The following SLC25A21 variants were observed in gnomAD, a reference collection of about 807,000 sequenced individuals.
The protein encoded by SLC25A21 is solute carrier family 25 member 21, also known as mitochondrial 2-oxodicarboxylate carrier.
SLC25A21 carries 47 observed loss-of-function variants against 43.8 expected under a neutral mutation model. The ratio of observed to expected loss-of-function variants is 1.07; its 90% CI spans 0.85 to 1.37. The LOEUF is 1.37. Ranked by LOEUF, SLC25A21 falls within the 40% of genes most tolerant of loss-of-function variation. The probability of loss-of-function intolerance (pLI) is 0.00; values close to 1 mark genes in which losing one functional copy is unlikely to be tolerated. For missense variants in SLC25A21, 352 were observed against 350.2 expected, an observed-to-expected ratio of 1.00 and a Z score of -0.04; for synonymous variants, 131 against 121.3, an observed-to-expected ratio of 1.08 and a Z score of -0.52.
chr14:37,109,716 GT>G, intron 1 of SLC25A21, among the ~76,000 whole-genome samples: 1 of 152,240 alleles, frequency 6.6e-6, no homozygotes, highest in Admixed American at 6.5e-5. Context: ...CCTGGACTTT[GT>G]CATGATTCCT....
Position 36,872,340 on chromosome 14 carries a change from C to G in SLC25A21, c.119+2616G>C, listed in dbSNP as rs559792530. Among the ~76,000 whole-genome samples the G allele has an allele frequency of 1.8e-4, 28 of 152,242 alleles. No individual in the cohort carries two copies. The South Asian group carries it at 5.8e-3, about 32-fold the overall frequency. On this transcript the variant is annotated intron_variant, in intron 2 of 9. Coordinates refer to ENST00000331299, the MANE Select transcript of SLC25A21 (RefSeq NM_030631.4). ...ACAACAGGTTCTAAAAATTTACTTT[C>G]AAACTCCTCTTTAAAGTGGATTTTT...
intron 1 of SLC25A21, among the ~76,000 whole-genome samples, chr14:37,064,595 T>C (rs1962021621): frequency 6.6e-6 from 1 of 152,114 alleles, no homozygotes; most frequent in Non-Finnish European, 1.5e-5. Context: ...AGTCCAAATC[T>C]GCTTCTGTTT....
At chr14:37,078,701 G>T (rs1486041904) in intron 1 of SLC25A21, among the ~76,000 whole-genome samples, 1 of 152,184 alleles carries the variant, frequency 6.6e-6, no homozygotes, top group Non-Finnish European at 1.5e-5. Flanking sequence ...GAAGGCAGTG[G>T]TATAAACGGG....
intron 1 of SLC25A21, among the ~76,000 whole-genome samples, chr14:37,068,869 T>C (rs954082774): frequency 5.3e-5 from 8 of 152,152 alleles, no homozygotes; most frequent in African/African-American, 1.9e-4. Flanking sequence ...AAAAAAGCAA[T>C]TTTTCTCTTT....
intron 1 of SLC25A21, among the ~76,000 whole-genome samples, chr14:37,029,619 T>C (rs1034779279): frequency 2.6e-5 from 4 of 152,054 alleles, no homozygotes; most frequent in African/African-American, 9.7e-5. Flanking sequence ...AGGGGATCCC[T>C]CCCTGGAAGT....
At chr14:36,895,334 G>A (rs1264350250) in intron 1 of SLC25A21, among the ~76,000 whole-genome samples, 1 of 152,200 alleles carries the variant, frequency 6.6e-6, no homozygotes, top group African/African-American at 2.4e-5. Flanking sequence ...GTGTAGAGGT[G>A]TTTATAGTAT....
intron 7 of SLC25A21, among the ~76,000 whole-genome samples, chr14:36,707,347 C>G (rs1226389018): frequency 6.6e-6 from 1 of 152,168 alleles, no homozygotes; most frequent in African/African-American, 2.4e-5. Flanking sequence ...GGGACAGCTT[C>G]TCATTATTGC....
intron 1 of SLC25A21, among the ~76,000 whole-genome samples, chr14:37,053,437 A>C (rs1278636197): frequency 6.6e-6 from 1 of 152,340 alleles, no homozygotes; most frequent in Non-Finnish European, 1.5e-5. Context: ...ACCAAATAAG[A>C]GTTAAAAGGG....
At chr14:37,110,506 C>A (rs56358023) in intron 1 of SLC25A21, among the ~76,000 whole-genome samples, 20 of 152,044 alleles carry the variant, frequency 1.3e-4, no homozygotes. Context: ...TTAGCAAGTA[C>A]AGACACAAGT....
At chr14:37,057,095 T>G (rs1286118422) in intron 1 of SLC25A21, among the ~76,000 whole-genome samples, 1 of 152,244 alleles carries the variant, frequency 6.6e-6, no homozygotes, top group African/African-American at 2.4e-5. Context: ...AACCTTTATA[T>G]CTAAAGGAAT....
intron 7 of SLC25A21, among the ~76,000 whole-genome samples, chr14:36,705,340 C>T (rs115141091): frequency 0.018 from 2,758 of 152,146 alleles, 48 homozygotes; most frequent in African/African-American, 0.054. Context: ...CCACTGCGTC[C>T]GGCGGCTTAC....
intron 1 of SLC25A21, among the ~76,000 whole-genome samples, chr14:36,940,530 A>G (rs1594707406): frequency 6.6e-6 from 1 of 152,098 alleles, no homozygotes; most frequent in East Asian, 1.9e-4. Context: ...AGGATGTTCA[A>G]TGCACTTTCC....
chr14:36,886,926 T>C (rs1197824856), intron 1 of SLC25A21, among the ~76,000 whole-genome samples: 3 of 152,168 alleles, frequency 2.0e-5, no homozygotes, highest in Non-Finnish European at 4.4e-5. Context: ...GTTGGTCTTT[T>C]ATGGAAGCTT....
At chr14:36,964,988 TTTGG>T (rs1481977296) in intron 1 of SLC25A21, among the ~76,000 whole-genome samples, 2 of 152,130 alleles carry the variant, frequency 1.3e-5, no homozygotes, top group African/African-American at 4.8e-5. Flanking sequence ...GAAGGAATGG[TTTGG>T]TTGGACTCTG....
chr14:36,772,622 AG>A (rs1566597923), intron 3 of SLC25A21, among the ~76,000 whole-genome samples: 1 of 152,238 alleles, frequency 6.6e-6, no homozygotes, highest in East Asian at 1.9e-4. Context: ...CTAACACACT[AG>A]CTCCTCAATC....
rs1889240032 is a variant in SLC25A21, at chr14:36,837,257, G to A, written c.120-23256C>T. ...GGAGAACACTGAGCTGGGGCTAAATGTTACTGAAAGGGCCAAGGGGGTGTC... is the reference window on the plus strand; with the variant it reads ...GGAGAACACTGAGCTGGGGCTAAATATTACTGAAAGGGCCAAGGGGGTGTC... On this transcript the variant is annotated intron_variant, in intron 2 of 9. Coordinates refer to ENST00000331299, the MANE Select transcript of SLC25A21 (RefSeq NM_030631.4). Among the ~76,000 whole-genome samples the A allele has an allele frequency of 2.0e-5, 3 of 151,992 alleles. No individual in the cohort carries two copies. In the South Asian group the frequency reaches 6.2e-4, roughly 32 times the overall value.
At chr14:37,056,533 G>C (rs1434997647) in intron 1 of SLC25A21, among the ~76,000 whole-genome samples, 1 of 151,216 alleles carries the variant, frequency 6.6e-6, no homozygotes, top group African/African-American at 2.4e-5. Context: ...TGTCTTTAGA[G>C]CCAGCATAAG....
intron 4 of SLC25A21, among the ~76,000 whole-genome samples, chr14:36,730,528 G>A (rs1048246749): frequency 1.3e-5 from 2 of 152,132 alleles, no homozygotes; most frequent in African/African-American, 2.4e-5. Context: ...GGGCAAGAAA[G>A]CAAAACCAGA....
intron 1 of SLC25A21, among the ~76,000 whole-genome samples, chr14:36,915,937 A>G (rs1891818938): frequency 6.6e-6 from 1 of 152,140 alleles, no homozygotes; most frequent in African/African-American, 2.4e-5. Flanking sequence ...AGTCAAAATG[A>G]CCACAAGTCA....
Sources: allele counts gnomAD v4.1 joint callset (sites outside exome capture counted in the v4.1 genomes callset), GRCh38; gene constraint gnomAD v4.1.1; transcripts MANE v1.5; gene names NCBI Gene and HGNC (gene_info 2026-07-23, HGNC 2026-07-21).